Variants in CCDC62 observed in about 807,000 individuals in gnomAD.
CCDC62 encodes coiled-coil domain-containing protein 62.
CCDC62 carries 72 observed loss-of-function variants against 80.8 expected under a neutral mutation model. The observed-to-expected ratio is 0.89, with a 90% CI of 0.74 to 1.08. The LOEUF (loss-of-function observed/expected upper bound fraction) is 1.08. CCDC62 is among the 50% of genes least tolerant of loss of function. CCDC62 has a pLI of 0.00. For synonymous variants in CCDC62, 286 were observed against 296.5 expected (o/e 0.96, Z 0.36); for missense variants, 704 against 809.4 (o/e 0.87, Z 1.58).
chr12:122,780,538 C>T lies in CCDC62; in HGVS notation c.230-626C>T, dbSNP rs992726238. On this transcript the variant is annotated intron_variant, in intron 2 of 12. Transcript: ENST00000253079. ...CTGAGGCAGGAGAATGGCGTGAACCCAGGAGGCAGAGCTTGCAGTGAGCCG... is the reference window on the plus strand; with the variant it reads ...CTGAGGCAGGAGAATGGCGTGAACCTAGGAGGCAGAGCTTGCAGTGAGCCG... 5.3e-5 allele frequency among the ~76,000 whole-genome samples: 8 copies of T among 151,528 alleles called. No homozygotes were observed. The East Asian group carries it at 1.4e-3, about 26-fold the overall frequency.
chr12:122,775,651 C>G (rs1470295130), intron 1 of CCDC62, among the ~76,000 whole-genome samples: 1 of 152,168 alleles, frequency 6.6e-6, no homozygotes, highest in Non-Finnish European at 1.5e-5. Flanking sequence ...CTGGCTCTGT[C>G]CCCAGGGCTG....
At chr12:122,799,349 G>A (rs1468139225) in intron 8 of CCDC62, among the ~76,000 whole-genome samples, 1 of 152,084 alleles carries the variant, frequency 6.6e-6, no homozygotes, top group African/African-American at 2.4e-5. Context: ...TCAGTGTTTG[G>A]ACACTAGGCT....
At chr12:122,814,445 T>C (rs1319136444) in intron 11 of CCDC62, among the ~76,000 whole-genome samples, 2 of 144,890 alleles carry the variant, frequency 1.4e-5, no homozygotes, top group Non-Finnish European at 3.1e-5. Context: ...CAGCATCATA[T>C]CATGTCACTC....
At position 122,792,890 on chromosome 12, in the gene CCDC62, G is replaced by A. The variant is rs531538359; in HGVS notation, c.772+769G>A. Among the ~76,000 whole-genome samples, 107 of 152,212 alleles carry A rather than the reference G, an allele frequency of 7.0e-4. 1 individual carries two copies. Among genetic ancestry groups the A allele is most frequent in the Admixed American group, 2.3e-3 (35 of 15,264 alleles). On this transcript the variant is annotated intron_variant, in intron 6 of 12. Transcript: ENST00000253079. Reference sequence around the variant, plus strand: ...CAGCGAGTGTTAATGCTGCCATCCCGTTCCCAGTCACTATTTCCTCTTCTG... The same window carrying A: ...CAGCGAGTGTTAATGCTGCCATCCCATTCCCAGTCACTATTTCCTCTTCTG...
chr12:122,826,642 A>G lies in CCDC62; in HGVS notation c.*261A>G. 2.1e-6 allele frequency: 1 copy of G among 469,322 alleles called. No individual in the cohort carries two copies. Among genetic ancestry groups the G allele is most frequent in the Non-Finnish European group, 3.8e-6 (1 of 266,652 alleles). The allele number at this position is 469,322 out of a possible 1,614,324, so 29.1% of individuals were successfully genotyped here. ...TGTAAGAAAGTAGACCTTATTGTAC[A>G]TATAGAAAGTTGGAATTATGCTAAG... On this transcript the variant is annotated 3_prime_UTR_variant, in exon 13 of 13. Transcript: ENST00000253079.
chr12:122,823,287 C>T (rs1264048309), intron 11 of CCDC62, 79 bp from the exon 12 acceptor site: 3 of 1,036,282 alleles, frequency 2.9e-6, no homozygotes, highest in African/African-American at 3.2e-5. Flanking sequence ...AAAGGCATTT[C>T]TGCTATATTT....
intron 10 of CCDC62, among the ~76,000 whole-genome samples, chr12:122,808,090 C>T (rs986384389): frequency 2.0e-5 from 3 of 151,852 alleles, no homozygotes; most frequent in Admixed American, 1.3e-4. Flanking sequence ...TGAGGTCAGG[C>T]GTTCGAGACC....
At chr12:122,789,073 G>T in intron 5 of CCDC62, 144 bp downstream of exon 5, 1 of 605,370 alleles carries the variant, frequency 1.7e-6, no homozygotes, top group South Asian at 2.7e-5. Context: ...CATTTATATA[G>T]GATTATGCTG....
At position 122,822,124 on chromosome 12, in the gene CCDC62, G is replaced by A. The variant is rs1162078679; in HGVS notation, c.2002-1242G>A. Among the ~76,000 whole-genome samples the A allele has an allele frequency of 3.7e-5, 4 of 108,684 alleles. No homozygotes were observed. The East Asian group carries it at 1.1e-3, about 31-fold the overall frequency. The allele number at this position is 108,684 out of a possible 152,430, so 71.3% of individuals were successfully genotyped here. A position where few individuals can be genotyped will look rare whatever the true frequency, so the allele number is the denominator to read the frequency against. On this transcript the variant is annotated intron_variant, in intron 11 of 12. Coordinates refer to ENST00000253079, the MANE Select transcript of CCDC62 (RefSeq NM_201435.5). The stretch of plus-strand genomic sequence containing the variant: ...TTATCTTTTTTTTTTTTTTTTTTGA[G>A]ACAGAATGTCACTCTTGTCACCAAG...
chr12:122,822,431 G>T (rs2135597110), intron 11 of CCDC62, among the ~76,000 whole-genome samples: 1 of 151,976 alleles, frequency 6.6e-6, no homozygotes, highest in African/African-American at 2.4e-5. Context: ...CATAGTCATG[G>T]TGCTGTGCAA....
intron 9 of CCDC62, among the ~76,000 whole-genome samples, chr12:122,802,775 C>G (rs1440094682): frequency 1.3e-5 from 2 of 151,974 alleles, no homozygotes. Flanking sequence ...CACCTGTAGT[C>G]CCAGTACTTG....
intron 8 of CCDC62, among the ~76,000 whole-genome samples, chr12:122,800,614 T>C (rs2135558395): frequency 6.6e-6 from 1 of 152,002 alleles, no homozygotes; most frequent in Non-Finnish European, 1.5e-5. Context: ...ATTTAGTAGA[T>C]GGGGTTTCTC....
intron 5 of CCDC62, 77 bp from the exon 6 acceptor site, chr12:122,791,943 A>G: frequency 1.1e-6 from 1 of 938,474 alleles, no homozygotes; most frequent in Non-Finnish European, 1.7e-6. Flanking sequence ...TGAGGATGTG[A>G]GAGTTAGGCA....
In CCDC62 at chr12:122,807,446, G is replaced by A. The variant is rs147668400; in HGVS notation, c.1851+1151G>A. 7.6e-3 allele frequency among the ~76,000 whole-genome samples: 1,097 copies of A among 145,232 alleles called. 7 individuals carry two copies. The highest frequency in any genetic ancestry group is 0.026 in the African/African-American group (1,028 of 39,122). ...CTTGGGAGGCTGAGGCGGGAGAATCGCTTGAAACCAGGAGGCAGAGTTTGC... is the reference window on the plus strand; with the variant it reads ...CTTGGGAGGCTGAGGCGGGAGAATCACTTGAAACCAGGAGGCAGAGTTTGC... On this transcript the variant is annotated intron_variant, in intron 10 of 12. Coordinates refer to ENST00000253079, the MANE Select transcript of CCDC62 (RefSeq NM_201435.5).
At chr12:122,802,410 CTT>C (rs752001572) in intron 9 of CCDC62, among the ~76,000 whole-genome samples, 18 of 126,826 alleles carry the variant, frequency 1.4e-4, no homozygotes, top group Middle Eastern at 4.0e-3. Context: ...TATCTCTACA[CTT>C]TTTTTTTTTT....
intron 8 of CCDC62, 45 bp downstream of exon 8, chr12:122,798,245 C>T: frequency 1.1e-6 from 1 of 940,816 alleles, no homozygotes; most frequent in South Asian, 1.3e-5. Context: ...TATTATATTC[C>T]ATCAGCCAGT....
In CCDC62 at chr12:122,822,060, A is replaced by AACACACACACACACACACAC. The variant is rs58108370; in HGVS notation, c.2002-1295_2002-1276dup. 3.2e-3 allele frequency among the ~76,000 whole-genome samples: 366 copies of AACACACACACACACACACAC among 115,810 alleles called. 7 individuals are homozygous for AACACACACACACACACACAC. The highest frequency in any genetic ancestry group is 9.9e-3 in the Middle Eastern group (2 of 202). 76.0% of individuals were successfully genotyped at this position (115,810 alleles called of 152,430 possible). Reference sequence around the variant, plus strand: ...GGGAGACCCTGTCTCTATAAATTTAAACACACACACACACACACACACACA... The same window carrying AACACACACACACACACACAC: ...GGGAGACCCTGTCTCTATAAATTTAAACACACACACACACACACACACACACACACACACACACACACACA... On this transcript the variant is annotated intron_variant, in intron 11 of 12. Transcript: ENST00000253079.
chr12:122,788,864 T>C lies in CCDC62; in HGVS notation c.605T>C (p.Val202Ala). 6.2e-7 allele frequency: 1 copy of C among 1,611,144 alleles called. No homozygotes were observed. ...RDAKMAETCI[V>A]KEKQDYKQKL... is the part of the protein sequence containing the mutation. ...GCCAAGATGGCGGAGACTTGTATTG[T>C]GAAAGAAAAGCAAGATTATAAGCAG... The change falls in exon 5 of 13, where the codon GTG becomes GCG. Residue 202 changes from valine (V) to alanine (A), a missense_variant. By Grantham distance (64) the Val-to-Ala change is moderately conservative. Coordinates refer to ENST00000253079, the MANE Select transcript of CCDC62 (RefSeq NM_201435.5).
rs188527041 is a variant in CCDC62, at chr12:122,775,802, A to G, written c.36+1096A>G. On this transcript the variant is annotated intron_variant, in intron 1 of 12. Transcript: ENST00000253079. ...TAATTTTTGTGTTTTTAGTAGAGACAGGGTTTCGCCATGTTGGCCAGGCTG... is the reference window on the plus strand; with the variant it reads ...TAATTTTTGTGTTTTTAGTAGAGACGGGGTTTCGCCATGTTGGCCAGGCTG... Among the ~76,000 whole-genome samples, 49 of 152,248 alleles carry G rather than the reference A, an allele frequency of 3.2e-4. No homozygotes were observed. The East Asian group carries it at 8.1e-3, about 25-fold the overall frequency.
Sources: allele counts gnomAD v4.1 joint callset (sites outside exome capture counted in the v4.1 genomes callset), GRCh38; gene constraint gnomAD v4.1.1; transcripts MANE v1.5; gene names NCBI Gene and HGNC (gene_info 2026-07-23, HGNC 2026-07-21).